WDPCP: variants seen among roughly 807,000 people sequenced by gnomAD.
The protein encoded by WDPCP is WD repeat-containing and planar cell polarity effector protein fritz homolog.
WDPCP carries 71 observed loss-of-function variants against 93.1 expected under a neutral mutation model. That is an observed-to-expected ratio of 0.76 (90% CI 0.63 to 0.93). The LOEUF (loss-of-function observed/expected upper bound fraction) is 0.93, where lower values mean the gene tolerates loss of function less well. WDPCP is among the 40% of genes least tolerant of loss of function. The pLI is 0.00. For synonymous variants in WDPCP, 315 were observed against 315.0 expected, an observed-to-expected ratio of 1.00 and a Z score of 0.00; for missense variants, 844 against 887.4, an observed-to-expected ratio of 0.95 and a Z score of 0.62.
chr2:63,731,814 A>G (rs1181325078), intron 2 of WDPCP, among the ~76,000 whole-genome samples: 1 of 152,220 alleles, frequency 6.6e-6, no homozygotes, highest in Non-Finnish European at 1.5e-5. Flanking sequence ...CATCAATGGT[A>G]CAAGGTAAGC....
intron 2 of WDPCP, among the ~76,000 whole-genome samples, chr2:63,696,020 T>A (rs1266283285): frequency 6.6e-6 from 1 of 152,120 alleles, no homozygotes; most frequent in African/African-American, 2.4e-5. Context: ...AGCTCTTCCA[T>A]CTCCATGTAT....
At chr2:63,340,247 A>G (rs1016840837) in intron 12 of WDPCP, among the ~76,000 whole-genome samples, 1 of 152,202 alleles carries the variant, frequency 6.6e-6, no homozygotes, top group Non-Finnish European at 1.5e-5. Context: ...GTAAATGATC[A>G]GAGTTCTGCC....
chr2:63,267,476 T>C (rs528216595), intron 13 of WDPCP, among the ~76,000 whole-genome samples: 2 of 152,002 alleles, frequency 1.3e-5, no homozygotes, highest in South Asian at 2.1e-4. Flanking sequence ...AAAGCAAAAA[T>C]AGATAAATGA....
intron 14 of WDPCP, among the ~76,000 whole-genome samples, chr2:63,221,713 T>C (rs1183470696): frequency 6.6e-6 from 1 of 152,182 alleles, no homozygotes; most frequent in Admixed American, 6.5e-5. Context: ...GCATTCCTTA[T>C]CTTCAGGGGC....
chr2:63,461,001 T>A (rs1698971243), intron 6 of WDPCP, among the ~76,000 whole-genome samples: 1 of 152,176 alleles, frequency 6.6e-6, no homozygotes, highest in African/African-American at 2.4e-5. Context: ...AAAGCTTCTC[T>A]GGGAAGGCTT....
At chr2:63,750,926 A>T (rs557106653) in intron 2 of WDPCP, among the ~76,000 whole-genome samples, 10 of 152,134 alleles carry the variant, frequency 6.6e-5, no homozygotes, top group Non-Finnish European at 1.3e-4. Flanking sequence ...AAATATTGGT[A>T]GGCAAATTTT....
At chr2:63,329,800 T>C (rs1481271917) in intron 12 of WDPCP, among the ~76,000 whole-genome samples, 1 of 152,222 alleles carries the variant, frequency 6.6e-6, no homozygotes, top group Non-Finnish European at 1.5e-5. Flanking sequence ...TGTATTACTA[T>C]GAGTGCAACT....
At chr2:63,761,766 T>C (rs1028465091) in intron 2 of WDPCP, among the ~76,000 whole-genome samples, 1 of 152,084 alleles carries the variant, frequency 6.6e-6, no homozygotes, top group Non-Finnish European at 1.5e-5. Flanking sequence ...GCCCACTGAC[T>C]CAAATGTTAA....
chr2:63,388,691 G>A (rs1017303963), intron 10 of WDPCP, among the ~76,000 whole-genome samples: 1 of 152,166 alleles, frequency 6.6e-6, no homozygotes, highest in Non-Finnish European at 1.5e-5. Flanking sequence ...AAACAGTGTA[G>A]AGAAGAACAT....
intron 12 of WDPCP, among the ~76,000 whole-genome samples, chr2:63,314,602 C>G: frequency 6.6e-6 from 1 of 152,014 alleles, no homozygotes; most frequent in East Asian, 1.9e-4. Flanking sequence ...TTTTTGTTTT[C>G]CCTTCCTTAG....
chr2:63,446,143 C>T (rs17027901), intron 6 of WDPCP, among the ~76,000 whole-genome samples: 3,099 of 152,226 alleles, frequency 0.02, 121 homozygotes, highest in African/African-American at 0.071. Flanking sequence ...AGCTCTTTTC[C>T]TCACTCAAAC....
chr2:63,834,710 G>A, the WDPCP span, among the ~76,000 whole-genome samples: 1 of 152,186 alleles, frequency 6.6e-6, no homozygotes, highest in Non-Finnish European at 1.5e-5. Context: ...CCAAGGTGAA[G>A]AGTGGTATGT....
At chr2:63,593,743 ATTATTG>A (rs1335368296), upstream of WDPCP, 1 of 465,220 alleles carries the variant, frequency 2.1e-6, no homozygotes, top group African/African-American at 2.0e-5. Context: ...GTTTCTAAAC[ATTATTG>A]TTTTGTTCTT....
At chr2:63,312,718 G>A (rs1686272219) in intron 13 of WDPCP, among the ~76,000 whole-genome samples, 1 of 152,142 alleles carries the variant, frequency 6.6e-6, no homozygotes, top group Non-Finnish European at 1.5e-5. Context: ...TTACTGTTCT[G>A]TAGCTAATAA....
chr2:63,549,905 G>A (rs1705452970), intron 1 of WDPCP, among the ~76,000 whole-genome samples: 1 of 152,160 alleles, frequency 6.6e-6, no homozygotes, highest in African/African-American at 2.4e-5. Flanking sequence ...AAAGGGAGAT[G>A]TGAAATTTAG....
chr2:63,387,506 T>C (rs1481277539), intron 10 of WDPCP, among the ~76,000 whole-genome samples: 1 of 149,430 alleles, frequency 6.7e-6, no homozygotes, highest in Non-Finnish European at 1.5e-5. Flanking sequence ...AATAATAGAG[T>C]AACCTATGAT....
intron 3 of WDPCP, among the ~76,000 whole-genome samples, chr2:63,628,511 G>T (rs115027125): frequency 0.014 from 2,118 of 152,276 alleles, 49 homozygotes; most frequent in African/African-American, 0.049. Flanking sequence ...AGTTTCAACT[G>T]AGGAAAAACT....
chr2:63,162,665 T>C (rs1447665850), intron 15 of WDPCP, among the ~76,000 whole-genome samples: 1 of 152,184 alleles, frequency 6.6e-6, no homozygotes, highest in African/African-American at 2.4e-5. Context: ...AACTCATAAC[T>C]ACAGGGTCTC....
At chr2:63,134,421 A>C (rs1670481061) in intron 17 of WDPCP, among the ~76,000 whole-genome samples, 1 of 152,248 alleles carries the variant, frequency 6.6e-6, no homozygotes, top group Non-Finnish European at 1.5e-5. Flanking sequence ...ATTCTGGCTA[A>C]GTTTCACAGA....
Sources: gnomAD v4.1 joint callset for allele counts (sites outside exome capture counted in the v4.1 genomes callset) on GRCh38, gnomAD v4.1.1 for gene constraint, MANE v1.5 for transcripts, NCBI Gene and HGNC (gene_info 2026-07-23, HGNC 2026-07-21) for gene names.